Variants in MBNL1 observed in about 807,000 individuals in gnomAD.
MBNL1 encodes the protein muscleblind like splicing regulator 1.
In MBNL1, 8 loss-of-function variants were observed where a neutral mutation model predicts 42.2. The ratio of observed to expected loss-of-function variants is 0.19; its 90% CI spans 0.11 to 0.34. The LOEUF (loss-of-function observed/expected upper bound fraction) is 0.34. Ranked by LOEUF, MBNL1 falls within the 10% of genes least tolerant of loss-of-function variation. The pLI is 1.00. For missense variants in MBNL1, 309 were observed against 495.3 expected, an observed-to-expected ratio of 0.62 and a Z score of 3.57; for synonymous variants, 169 against 173.9, an observed-to-expected ratio of 0.97 and a Z score of 0.22.
At chr3:152,311,646 A>T (rs1433976742) in intron 2 of MBNL1, among the ~76,000 whole-genome samples, 1 of 151,950 alleles carries the variant, frequency 6.6e-6, no homozygotes, top group Non-Finnish European at 1.5e-5. Flanking sequence ...AGTAGGTAGA[A>T]TTTTTTTCAT....
chr3:152,321,575 A>G (rs1291840839), intron 2 of MBNL1, among the ~76,000 whole-genome samples: 1 of 152,046 alleles, frequency 6.6e-6, no homozygotes, highest in Non-Finnish European at 1.5e-5. Context: ...TTCATGCAGC[A>G]TTTAAAAGAG....
At chr3:152,273,670 G>A (rs1308372703) in intron 1 of MBNL1, among the ~76,000 whole-genome samples, 1 of 152,116 alleles carries the variant, frequency 6.6e-6, no homozygotes, top group Non-Finnish European at 1.5e-5. Context: ...AGCCATATTG[G>A]ACAGAGTAGA....
intron 2 of MBNL1, among the ~76,000 whole-genome samples, chr3:152,393,163 A>AAATCCCTT (rs925004747): frequency 4.6e-5 from 7 of 152,152 alleles, no homozygotes; most frequent in Non-Finnish European, 8.8e-5. Context: ...TTCCTCCCTG[A>AAATCCCTT]AATCCCTTTT....
At chr3:152,337,280 C>A (rs1232617555) in intron 2 of MBNL1, among the ~76,000 whole-genome samples, 2 of 152,108 alleles carry the variant, frequency 1.3e-5, no homozygotes, top group African/African-American at 4.8e-5. Context: ...AGCAGAGATT[C>A]AGGAAAATCT....
intron 2 of MBNL1, among the ~76,000 whole-genome samples, chr3:152,412,291 T>C (rs1474190213): frequency 1.3e-5 from 2 of 152,186 alleles, no homozygotes; most frequent in African/African-American, 4.8e-5. Context: ...TCCACACATG[T>C]CAAATGAAAA....
rs975426674 is a variant in MBNL1 at position 152,250,596 on chromosome 3, T to C, written n.333+6156T>C. On this transcript the variant is annotated intron_variant and non_coding_transcript_variant, in intron 2 of 2. Coordinates refer to the MBNL1 transcript ENST00000477171. The stretch of plus-strand genomic sequence containing the variant: ...ACAATTTGACTTCCTCTTTTCCTAA[T>C]TGAATACCCTTTATTTCCTTCTCCT... Among the ~76,000 whole-genome samples the C allele has an allele frequency of 5.9e-5, 9 of 151,682 alleles. No homozygotes were observed. In the East Asian group the frequency reaches 7.7e-4, roughly 13 times the overall value.
intron 2 of MBNL1, among the ~76,000 whole-genome samples, chr3:152,353,501 AT>A (rs1311111145): frequency 1.3e-5 from 2 of 151,976 alleles, no homozygotes; most frequent in African/African-American, 4.8e-5. Context: ...TTGTGTTTCT[AT>A]TTTTGATTTA....
At chr3:152,302,257 CCTTTTT>C (rs1415057941) in intron 2 of MBNL1, 5 of 151,846 alleles carry the variant, frequency 3.3e-5, no homozygotes, top group Admixed American at 6.6e-5. Context: ...CAAACTTTGT[CCTTTTT>C]CTTTGTCTTT....
chr3:152,313,217 G>A (rs1234196907), intron 2 of MBNL1, among the ~76,000 whole-genome samples: 1 of 152,020 alleles, frequency 6.6e-6, no homozygotes, highest in African/African-American at 2.4e-5. Context: ...TAGAGACAGG[G>A]TTTCACCATG....
At chr3:152,375,041 T>C (rs1018788324) in intron 2 of MBNL1, among the ~76,000 whole-genome samples, 1 of 152,218 alleles carries the variant, frequency 6.6e-6, no homozygotes, top group Non-Finnish European at 1.5e-5. Flanking sequence ...ACTCTTGTTA[T>C]GTTGTCTAGG....
intron 1 of MBNL1, among the ~76,000 whole-genome samples, chr3:152,281,045 C>G (rs1348193279): frequency 6.6e-6 from 1 of 152,012 alleles, no homozygotes; most frequent in Non-Finnish European, 1.5e-5. Flanking sequence ...AAAAGCAAAA[C>G]AACAAAAGAC....
intron 2 of MBNL1, among the ~76,000 whole-genome samples, chr3:152,319,276 C>T (rs1437310089): frequency 6.6e-6 from 1 of 152,116 alleles, no homozygotes; most frequent in Non-Finnish European, 1.5e-5. Flanking sequence ...TCCTTTGTCA[C>T]TTTCCACATT....
chr3:152,258,981 G>A (rs2035852610), intron 2 of MBNL1, among the ~76,000 whole-genome samples: 2 of 152,278 alleles, frequency 1.3e-5, no homozygotes, highest in African/African-American at 4.8e-5. Flanking sequence ...TTTCAGACGA[G>A]CCTTCCAGAG....
chr3:152,336,492 A>G (rs534281339), intron 2 of MBNL1, among the ~76,000 whole-genome samples: 1 of 152,354 alleles, frequency 6.6e-6, no homozygotes, highest in Admixed American at 6.5e-5. Flanking sequence ...AATTAAGTTT[A>G]GTTTAAGTCA....
intron 3 of MBNL1, among the ~76,000 whole-genome samples, chr3:152,428,602 C>G (rs1440089973): frequency 6.6e-6 from 1 of 152,112 alleles, no homozygotes; most frequent in Admixed American, 6.5e-5. Context: ...AACATGTATC[C>G]TTAGAGACCT....
At position 152,397,419 on chromosome 3, in the gene MBNL1, G is replaced by A. The variant is rs370353573; in HGVS notation, c.175-17522G>A. Among the ~76,000 whole-genome samples the A allele has an allele frequency of 3.8e-4, 58 of 152,082 alleles. No homozygotes were observed. In the South Asian group the frequency reaches 0.012, roughly 32 times the overall value. On this transcript the variant is annotated intron_variant, in intron 2 of 9. Transcript: ENST00000324210. Reference sequence around the variant, plus strand: ...TCCCCTCCCTTCGTCCATGTGTTCTGATTGTTCAACTCCTACTTACACTTG... The same window carrying A: ...TCCCCTCCCTTCGTCCATGTGTTCTAATTGTTCAACTCCTACTTACACTTG...
chr3:152,385,606 T>C (rs778304963), intron 2 of MBNL1, among the ~76,000 whole-genome samples: 5 of 152,094 alleles, frequency 3.3e-5, no homozygotes, highest in Non-Finnish European at 4.4e-5. Context: ...TAAATAATTT[T>C]AAATTTCATA....
chr3:152,424,382 C>T (rs2098864444), intron 3 of MBNL1, among the ~76,000 whole-genome samples: 1 of 152,084 alleles, frequency 6.6e-6, no homozygotes, highest in Non-Finnish European at 1.5e-5. Flanking sequence ...TGAAGGACCT[C>T]TTCAGGGAGA....
chr3:152,375,256 C>T (rs2096848003), intron 2 of MBNL1, among the ~76,000 whole-genome samples: 1 of 152,146 alleles, frequency 6.6e-6, no homozygotes, highest in Non-Finnish European at 1.5e-5. Flanking sequence ...CTAAAAGGCT[C>T]CTCTTGACAA....
Sources: gnomAD v4.1 joint callset for allele counts (sites outside exome capture counted in the v4.1 genomes callset) on GRCh38, gnomAD v4.1.1 for gene constraint, MANE v1.5 for transcripts, NCBI Gene and HGNC (gene_info 2026-07-23, HGNC 2026-07-21) for gene names.